LRRC4C: variants seen among roughly 807,000 people sequenced by gnomAD.
LRRC4C encodes leucine-rich repeat-containing protein 4C.
LRRC4C carries 5 observed loss-of-function variants against 33.6 expected under a neutral mutation model. The observed-to-expected ratio is 0.15, with a 90% CI of 0.08 to 0.31. LRRC4C has a LOEUF of 0.31. LRRC4C is among the 10% of genes least tolerant of loss of function. LRRC4C has a pLI of 1.00. For missense variants in LRRC4C, 560 were observed against 796.7 expected, an observed-to-expected ratio of 0.70 and a Z score of 3.58; for synonymous variants, 329 against 302.0, an observed-to-expected ratio of 1.09 and a Z score of -0.93.
In LRRC4C at chr11:40,140,855, TAA is replaced by T. The variant is rs5791360; in HGVS notation, c.-95-4_-95-3del. On this transcript the variant is annotated splice_region_variant and splice_polypyrimidine_tract_variant and intron_variant, in intron 5 of 6. Coordinates refer to ENST00000528697, the MANE Select transcript of LRRC4C (RefSeq NM_001258419.2). The stretch of plus-strand genomic sequence containing the variant: ...TAAGTAGGCAGTGCGTTTGCCAATC[TAA>T]AAAAAAAAAAAAAAGAAAAGAAAAG... The T allele has an allele frequency of 2.7e-3, 355 of 131,824 alleles. No homozygotes were observed. The highest frequency in any genetic ancestry group is 0.012 in the Middle Eastern group (3 of 250). The allele number at this position is 131,824 out of a possible 1,614,324, so 8.2% of individuals were successfully genotyped here.
At chr11:40,740,845 T>C (rs896361585) in intron 2 of LRRC4C, among the ~76,000 whole-genome samples, 6 of 152,034 alleles carry the variant, frequency 3.9e-5, no homozygotes, top group Non-Finnish European at 4.4e-5. Context: ...TCTTTCCACA[T>C]GTGAATAACC....
chr11:40,481,617 T>C (rs906104237), intron 3 of LRRC4C, among the ~76,000 whole-genome samples: 3 of 152,112 alleles, frequency 2.0e-5, no homozygotes, highest in Non-Finnish European at 4.4e-5. Context: ...GGAAATTGAA[T>C]TGGGTTTTAT....
At chr11:40,134,440 T>C (rs1856839824) in intron 6 of LRRC4C, among the ~76,000 whole-genome samples, 1 of 152,094 alleles carries the variant, frequency 6.6e-6, no homozygotes, top group Admixed American at 6.6e-5. Flanking sequence ...CTTTCTGACA[T>C]GTGATCAGAA....
chr11:40,962,820 T>G (rs1355575297), intron 1 of LRRC4C, among the ~76,000 whole-genome samples: 1 of 151,744 alleles, frequency 6.6e-6, no homozygotes, highest in Non-Finnish European at 1.5e-5. Context: ...TTTCTCAAAT[T>G]AATTAAATTA....
chr11:41,343,168 A>C (rs1218876912), intron 1 of LRRC4C, among the ~76,000 whole-genome samples: 1 of 152,214 alleles, frequency 6.6e-6, no homozygotes, highest in Non-Finnish European at 1.5e-5. Context: ...TCACATTCAT[A>C]GATCCCAGGA....
intron 1 of LRRC4C, among the ~76,000 whole-genome samples, chr11:41,185,211 A>C (rs939471349): frequency 1.3e-5 from 2 of 152,224 alleles, no homozygotes; most frequent in Non-Finnish European, 2.9e-5. Flanking sequence ...AGGTAGTATC[A>C]AAGATTATTC....
Position 40,385,891 on chromosome 11 carries a change from T to TAAATAAATAAATAAATAAAA in LRRC4C, c.-269-66171_-269-66170insTTTTATTTATTTATTTATTT, listed in dbSNP as rs761529340. ...ATAAATAAATAAATAAATAAATAAATAAAATAAAATAAAATAAAAAAATAA... is the reference window on the plus strand; with the variant it reads ...ATAAATAAATAAATAAATAAATAAATAAATAAATAAATAAATAAAAAAAATAAAATAAAATAAAAAAATAA... On this transcript the variant is annotated intron_variant, in intron 3 of 6. Transcript: ENST00000528697. Among the ~76,000 whole-genome samples the TAAATAAATAAATAAATAAAA allele has an allele frequency of 5.4e-4, 75 of 138,882 alleles. 1 individual carries two copies. The South Asian group carries it at 8.8e-3, about 16-fold the overall frequency. 91.1% of individuals were successfully genotyped at this position (138,882 alleles called of 152,430 possible).
At chr11:40,164,963 T>A (rs1325023320) in intron 5 of LRRC4C, among the ~76,000 whole-genome samples, 1 of 152,208 alleles carries the variant, frequency 6.6e-6, no homozygotes, top group African/African-American at 2.4e-5. Context: ...GTTACCAAAT[T>A]GAAGTATAAT....
chr11:41,395,879 C>T (rs1224007663), intron 1 of LRRC4C, among the ~76,000 whole-genome samples: 2 of 152,018 alleles, frequency 1.3e-5, no homozygotes, highest in African/African-American at 2.4e-5. Flanking sequence ...TTGTGAATCT[C>T]AGGGAACTAA....
intron 3 of LRRC4C, among the ~76,000 whole-genome samples, chr11:40,644,542 A>G (rs1942323154): frequency 6.6e-6 from 1 of 152,244 alleles, no homozygotes; most frequent in African/African-American, 2.4e-5. Context: ...ACAGGTAAAT[A>G]ATTAAACAAA....
chr11:40,898,216 T>C (rs963148158), intron 2 of LRRC4C, among the ~76,000 whole-genome samples: 3 of 151,240 alleles, frequency 2.0e-5, no homozygotes, highest in Admixed American at 2.0e-4. Context: ...TAGCCAGGCG[T>C]AGTGATGTAT....
intron 2 of LRRC4C, among the ~76,000 whole-genome samples, chr11:40,796,635 CT>C (rs1188389556): frequency 0.14 from 14,637 of 104,842 alleles, 497 homozygotes; most frequent in African/African-American, 0.24. Flanking sequence ...AAGCAGAACT[CT>C]TTTTTTTTTT....
At chr11:40,611,418 AG>A (rs779009169) in intron 3 of LRRC4C, among the ~76,000 whole-genome samples, 21 of 151,950 alleles carry the variant, frequency 1.4e-4, no homozygotes, top group Non-Finnish European at 3.1e-4. Context: ...AACTCTCATT[AG>A]AAAATGTAGG....
At chr11:40,552,982 T>A (rs1957185883) in intron 3 of LRRC4C, among the ~76,000 whole-genome samples, 1 of 152,038 alleles carries the variant, frequency 6.6e-6, no homozygotes, top group African/African-American at 2.4e-5. Flanking sequence ...TATAAAAAGG[T>A]GGATCAGGCC....
intron 2 of LRRC4C, among the ~76,000 whole-genome samples, chr11:40,696,059 G>GTGTGTGTA (rs1265753792): frequency 7.0e-6 from 1 of 142,510 alleles, no homozygotes; most frequent in African/African-American, 2.7e-5. Context: ...GTGTGTGTGT[G>GTGTGTGTA]TATATATGAG....
At chr11:40,789,929 A>C (rs1298072180) in intron 2 of LRRC4C, among the ~76,000 whole-genome samples, 2 of 152,212 alleles carry the variant, frequency 1.3e-5, no homozygotes, top group East Asian at 1.9e-4. Flanking sequence ...TGGGCCAAAA[A>C]AGATTCAAAT....
intron 5 of LRRC4C, among the ~76,000 whole-genome samples, chr11:40,227,469 G>A (rs117304286): frequency 0.028 from 4,219 of 152,170 alleles, 95 homozygotes; most frequent in South Asian, 0.1. Flanking sequence ...TCATCCCCCC[G>A]AAATATTTAT....
intron 6 of LRRC4C, among the ~76,000 whole-genome samples, chr11:40,124,971 A>C (rs1256197588): frequency 7.6e-6 from 1 of 132,142 alleles, no homozygotes; most frequent in Non-Finnish European, 1.8e-5. Flanking sequence ...TAAAAAAAGA[A>C]TATATATATA....
chr11:41,169,632 C>G (rs745644989), intron 1 of LRRC4C, among the ~76,000 whole-genome samples: 2 of 152,122 alleles, frequency 1.3e-5, no homozygotes, highest in Non-Finnish European at 2.9e-5. Context: ...CTGAAAAAAT[C>G]TTTTGGCATG....
Sources: allele counts gnomAD v4.1 joint callset (sites outside exome capture counted in the v4.1 genomes callset), GRCh38; gene constraint gnomAD v4.1.1; transcripts MANE v1.5; gene names NCBI Gene and HGNC (gene_info 2026-07-23, HGNC 2026-07-21).